MTUS2: variants seen among roughly 807,000 people sequenced by gnomAD.
MTUS2 encodes microtubule associated scaffold protein 2.
MTUS2 carries 40 observed loss-of-function variants against 114.1 expected under a neutral mutation model. The ratio of observed to expected loss-of-function variants is 0.35; its 90% CI spans 0.27 to 0.46. The LOEUF (loss-of-function observed/expected upper bound fraction) is 0.46. Among genes scored for constraint, MTUS2 ranks in the 20% least tolerant of loss-of-function variants. MTUS2 has a pLI of 1.00. For synonymous variants in MTUS2, 688 were observed against 672.0 expected (o/e 1.02, Z -0.37); for missense variants, 1,679 against 1,705.4 (o/e 0.98, Z 0.27).
chr13:28,975,430 T>C (rs1030542206), intron 2 of MTUS2, among the ~76,000 whole-genome samples: 4 of 152,006 alleles, frequency 2.6e-5, no homozygotes, highest in Admixed American at 2.6e-4. Context: ...AGTGGCTTCT[T>C]CGGCAGTTTA....
At chr13:29,163,228 A>C (rs1893175967) in intron 5 of MTUS2, among the ~76,000 whole-genome samples, 1 of 152,214 alleles carries the variant, frequency 6.6e-6, no homozygotes, top group African/African-American at 2.4e-5. Context: ...TTTTTAAATG[A>C]AAATGGGCTG....
intron 2 of MTUS2, among the ~76,000 whole-genome samples, chr13:28,852,974 T>TACA (rs58608150): frequency 0.76 from 114,661 of 151,090 alleles, 44,328 homozygotes; most frequent in Non-Finnish European, 0.82. Context: ...CATACATACA[T>TACA]TCATTCATTC....
At chr13:29,269,699 C>G (rs1897803946) in intron 5 of MTUS2, among the ~76,000 whole-genome samples, 1 of 152,072 alleles carries the variant, frequency 6.6e-6, no homozygotes, top group Non-Finnish European at 1.5e-5. Context: ...CCCAGCAGTC[C>G]CACTTCTGGG....
chr13:28,995,914 C>A (rs918279002), intron 2 of MTUS2, among the ~76,000 whole-genome samples: 2 of 152,164 alleles, frequency 1.3e-5, no homozygotes, highest in East Asian at 1.9e-4. Flanking sequence ...ATTGCCCTGG[C>A]CAGAACTTCC....
intron 5 of MTUS2, among the ~76,000 whole-genome samples, chr13:29,191,810 A>G (rs1275935075): frequency 6.6e-6 from 1 of 152,222 alleles, no homozygotes; most frequent in Non-Finnish European, 1.5e-5. Flanking sequence ...GGCTAACATT[A>G]TATAGTAGTT....
chr13:29,126,574 A>G (rs1229277169), intron 5 of MTUS2, among the ~76,000 whole-genome samples: 2 of 152,144 alleles, frequency 1.3e-5, no homozygotes, highest in African/African-American at 2.4e-5. Context: ...GATGGGTTTG[A>G]ATGTGACCCA....
At chr13:29,192,996 T>C (rs956548157) in intron 5 of MTUS2, among the ~76,000 whole-genome samples, 2 of 152,116 alleles carry the variant, frequency 1.3e-5, no homozygotes, top group African/African-American at 2.4e-5. Flanking sequence ...CTCCAAACAA[T>C]GCATTTTGTA....
chr13:28,870,641 G>C (rs538480430), intron 2 of MTUS2, among the ~76,000 whole-genome samples: 10 of 152,296 alleles, frequency 6.6e-5, no homozygotes, highest in African/African-American at 2.4e-4. Flanking sequence ...GTAGGAGCAG[G>C]TCCTGAGAGA....
intron 7 of MTUS2, among the ~76,000 whole-genome samples, chr13:29,327,493 C>A (rs1900574755): frequency 6.6e-6 from 1 of 152,140 alleles, no homozygotes; most frequent in Non-Finnish European, 1.5e-5. Flanking sequence ...TAAATGGAAT[C>A]ATTTAATATG....
At chr13:29,201,838 C>G (rs986927617) in intron 5 of MTUS2, among the ~76,000 whole-genome samples, 4 of 152,216 alleles carry the variant, frequency 2.6e-5, no homozygotes, top group Non-Finnish European at 5.9e-5. Flanking sequence ...GGCCCCCACT[C>G]TCTTCTGGCT....
intron 2 of MTUS2, among the ~76,000 whole-genome samples, chr13:28,955,288 A>G (rs1391415662): frequency 1.3e-5 from 2 of 152,214 alleles, no homozygotes; most frequent in Non-Finnish European, 2.9e-5. Flanking sequence ...GCATAATTGA[A>G]CTGACTTTAA....
At chr13:29,222,076 T>A (rs1347505649) in intron 5 of MTUS2, among the ~76,000 whole-genome samples, 1 of 152,178 alleles carries the variant, frequency 6.6e-6, no homozygotes, top group Non-Finnish European at 1.5e-5. Flanking sequence ...GCCTTCCGAG[T>A]AGTGGGACTA....
intron 5 of MTUS2, among the ~76,000 whole-genome samples, chr13:29,128,471 C>A (rs573903549): frequency 6.6e-6 from 1 of 152,022 alleles, no homozygotes; most frequent in Non-Finnish European, 1.5e-5. Flanking sequence ...GATTATTTCG[C>A]ATTATAAATA....
At chr13:29,184,383 A>ATG (rs1894133852) in intron 5 of MTUS2, among the ~76,000 whole-genome samples, 1 of 152,076 alleles carries the variant, frequency 6.6e-6, no homozygotes, top group Admixed American at 6.6e-5. Context: ...CTTGAACATC[A>ATG]TGCTCCTAGA....
intron 8 of MTUS2, among the ~76,000 whole-genome samples, chr13:29,390,756 GTGATGA>G (rs71090251): frequency 2.7e-3 from 393 of 146,678 alleles, no homozygotes; most frequent in South Asian, 6.2e-3. Flanking sequence ...CCACCAAATG[GTGATGA>G]TGATGATGAT....
intron 4 of MTUS2, among the ~76,000 whole-genome samples, chr13:29,037,299 G>A (rs1887126561): frequency 1.3e-5 from 2 of 152,172 alleles, no homozygotes; most frequent in South Asian, 4.1e-4. Flanking sequence ...TGAAATTCTG[G>A]GTTGAAAATT....
intron 5 of MTUS2, among the ~76,000 whole-genome samples, chr13:29,158,844 C>T (rs1209538412): frequency 1.3e-5 from 2 of 152,066 alleles, no homozygotes; most frequent in South Asian, 2.1e-4. Flanking sequence ...TGAGAAGGAG[C>T]GGGGATGGAA....
In MTUS2 at chr13:28,957,431, A is replaced by G. The variant is rs536241251; in HGVS notation, c.-242-67026A>G. Among the ~76,000 whole-genome samples, 101 of 152,304 alleles carry G rather than the reference A, an allele frequency of 6.6e-4. 1 individual carries two copies. Among genetic ancestry groups the G allele is most frequent in the African/African-American group, 1.7e-3 (69 of 41,522 alleles). On this transcript the variant is annotated intron_variant, in intron 2 of 15. Coordinates refer to ENST00000612955, the MANE Select transcript of MTUS2 (RefSeq NM_001033602.4). ...CCCTTGGTTCCACATTAATGGATTC[A>G]TCCAACTGTGGATTGAAAATATTCA...
intron 3 of MTUS2, among the ~76,000 whole-genome samples, chr13:29,029,687 G>A (rs1457003865): frequency 6.6e-6 from 1 of 152,214 alleles, no homozygotes; most frequent in Non-Finnish European, 1.5e-5. Flanking sequence ...TGCCTATGGT[G>A]AGGCCTCAGG....
Sources: gnomAD v4.1 joint callset for allele counts (sites outside exome capture counted in the v4.1 genomes callset) on GRCh38, gnomAD v4.1.1 for gene constraint, MANE v1.5 for transcripts, NCBI Gene and HGNC (gene_info 2026-07-23, HGNC 2026-07-21) for gene names.